AKT3: variants seen among roughly 807,000 people sequenced by gnomAD.
AKT3 encodes the protein AKT serine/threonine kinase 3.
In AKT3, 15 loss-of-function variants were observed where a neutral mutation model predicts 65.3. That is an observed-to-expected ratio of 0.23 (90% CI 0.15 to 0.35). The LOEUF (loss-of-function observed/expected upper bound fraction) is 0.35, where lower values mean the gene tolerates loss of function less well. AKT3 is among the 10% of genes least tolerant of loss of function. The pLI is 1.00. For missense variants in AKT3, 243 were observed against 576.5 expected, an observed-to-expected ratio of 0.42 and a Z score of 5.92; for synonymous variants, 206 against 183.8, an observed-to-expected ratio of 1.12 and a Z score of -0.98.
chr1:243,580,958 T>C (rs1283433067), intron 8 of AKT3, among the ~76,000 whole-genome samples: 1 of 152,162 alleles, frequency 6.6e-6, no homozygotes, highest in Non-Finnish European at 1.5e-5. Context: ...CTTCTGGAGT[T>C]TGAGTCACCC....
In AKT3 at chr1:243,822,442, GGAGA is replaced by G. The variant is rs564389876; in HGVS notation, c.46+20679_46+20682del. On this transcript the variant is annotated intron_variant, in intron 2 of 13. Transcript: ENST00000673466. ...TAACCAAGATCAGAGCAGAGCTGAA[GGAGA>G]GAGAGACACTAAAAACCCTTCAAAA... is the stretch of plus-strand genomic sequence containing the variant. 3.5e-4 allele frequency among the ~76,000 whole-genome samples: 52 copies of G among 149,564 alleles called. No individual in the cohort carries two copies. The South Asian group carries it at 0.01, about 29-fold the overall frequency.
Position 243,699,105 on chromosome 1 carries a change from C to T in AKT3, c.47-3389G>A, listed in dbSNP as rs1000309398. On this transcript the variant is annotated intron_variant, in intron 2 of 13. Transcript: ENST00000673466. ...ACAGAAAGTCCTAGCTTTTATGAGG[C>T]TAAGTACCCAGAACAAAGTACACTC... Among the ~76,000 whole-genome samples the T allele has an allele frequency of 2.0e-5, 3 of 151,974 alleles. No homozygotes were observed. In the South Asian group the frequency reaches 6.2e-4, roughly 32 times the overall value.
intron 12 of AKT3, among the ~76,000 whole-genome samples, chr1:243,543,851 T>C (rs898795189): frequency 2.6e-5 from 4 of 152,214 alleles, no homozygotes; most frequent in African/African-American, 9.6e-5. Context: ...AGGTGTCTAA[T>C]ATGATGCACC....
chr1:243,817,385 A>G (rs942432914), intron 2 of AKT3, among the ~76,000 whole-genome samples: 2 of 152,238 alleles, frequency 1.3e-5, no homozygotes, highest in Admixed American at 6.5e-5. Flanking sequence ...ATATATGAAT[A>G]ATATCTGTAG....
intron 2 of AKT3, among the ~76,000 whole-genome samples, chr1:243,725,355 T>C (rs1461652690): frequency 1.3e-5 from 2 of 152,200 alleles, no homozygotes; most frequent in South Asian, 2.1e-4. Context: ...ACTTGAAGGG[T>C]TGATGAGTAG....
chr1:243,591,511 A>G (rs1433067948), intron 8 of AKT3, among the ~76,000 whole-genome samples: 3 of 152,210 alleles, frequency 2.0e-5, no homozygotes, highest in Admixed American at 6.5e-5. Context: ...CTGGCATCCA[A>G]TAAAAAATTA....
chr1:243,723,311 GAAGA>G (rs1398513696), intron 2 of AKT3, among the ~76,000 whole-genome samples: 1 of 152,002 alleles, frequency 6.6e-6, no homozygotes, highest in African/African-American at 2.4e-5. Context: ...TTCAGAAAAA[GAAGA>G]AAGAAAGAGC....
chr1:243,513,556 A>G lies in AKT3; in HGVS notation c.1252-1130T>C, dbSNP rs561041413. On this transcript the variant is annotated intron_variant, in intron 12 of 13. Transcript: ENST00000673466. ...TTTAAATTATTCTCTAGACAGAACT[A>G]TATTTTTAAGAATCGTGGGATGAGC... Among the ~76,000 whole-genome samples, 35 of 152,366 alleles carry G rather than the reference A, an allele frequency of 2.3e-4. No homozygotes were observed. In the South Asian group the frequency reaches 7.2e-3, roughly 32 times the overall value.
rs139367859 is a variant in AKT3 at position 243,688,356 on chromosome 1, T to A, written c.172+7235A>T. Among the ~76,000 whole-genome samples the A allele has an allele frequency of 4.9e-3, 750 of 152,222 alleles. 5 individuals carry two copies. The highest frequency in any genetic ancestry group is 0.017 in the African/African-American group (707 of 41,544). ...GAAAAGATATAGGCTATAAACACAG[T>A]TATTATTTGGGCAAGTGTTTAATTG... On this transcript the variant is annotated intron_variant, in intron 3 of 13. Transcript: ENST00000673466.
At chr1:243,616,358 A>T (rs1678316239) in intron 6 of AKT3, among the ~76,000 whole-genome samples, 1 of 143,218 alleles carries the variant, frequency 7.0e-6, no homozygotes, top group African/African-American at 2.5e-5. Context: ...ACTGTAGGTG[A>T]TCATTTTAAA....
chr1:243,623,453 T>C (rs1678917362), intron 6 of AKT3, among the ~76,000 whole-genome samples: 1 of 152,162 alleles, frequency 6.6e-6, no homozygotes, highest in African/African-American at 2.4e-5. Context: ...GGAATGTGAA[T>C]TGATGGACTG....
chr1:243,715,676 A>T (rs1361900191), intron 2 of AKT3, among the ~76,000 whole-genome samples: 1 of 152,126 alleles, frequency 6.6e-6, no homozygotes, highest in Non-Finnish European at 1.5e-5. Context: ...TTCTTGTTAA[A>T]TAAACGAGGG....
At chr1:243,528,571 G>A (rs546058015) in intron 12 of AKT3, among the ~76,000 whole-genome samples, 2 of 152,262 alleles carry the variant, frequency 1.3e-5, no homozygotes, top group Admixed American at 1.3e-4. Context: ...GAGAATATGC[G>A]GGATTTTGTT....
chr1:243,805,088 C>T lies in AKT3; in HGVS notation c.46+38037G>A, dbSNP rs577562593. 1.5e-4 allele frequency among the ~76,000 whole-genome samples: 23 copies of T among 152,228 alleles called. 1 individual carries two copies. In the South Asian group the frequency reaches 4.3e-3, roughly 29 times the overall value. ...GCAGAGATTTCTTCATTCACACTCCCGGGATACATAAATAGAAGAGGAAGT... is the reference window on the plus strand; with the variant it reads ...GCAGAGATTTCTTCATTCACACTCCTGGGATACATAAATAGAAGAGGAAGT... On this transcript the variant is annotated intron_variant, in intron 2 of 13. Coordinates refer to ENST00000673466, the MANE Select transcript of AKT3 (RefSeq NM_005465.7).
intron 2 of AKT3, among the ~76,000 whole-genome samples, chr1:243,823,788 C>T (rs771918816): frequency 4.6e-5 from 7 of 152,284 alleles, no homozygotes; most frequent in Admixed American, 6.5e-5. Flanking sequence ...ACATCCCATG[C>T]TCATGGATAA....
chr1:243,693,248 A>T (rs1188582154), intron 3 of AKT3, among the ~76,000 whole-genome samples: 2 of 31,442 alleles, frequency 6.4e-5, no homozygotes, highest in Non-Finnish European at 6.0e-5. Flanking sequence ...AATTTGATAT[A>T]TATATATATA....
At chr1:243,700,892 TCAAA>T in intron 2 of AKT3, among the ~76,000 whole-genome samples, 1 of 152,198 alleles carries the variant, frequency 6.6e-6, no homozygotes, top group East Asian at 1.9e-4. Context: ...GATAGGATAT[TCAAA>T]TAAATCATCT....
At chr1:243,609,251 C>A (rs1677679299) in intron 8 of AKT3, among the ~76,000 whole-genome samples, 1 of 147,864 alleles carries the variant, frequency 6.8e-6, no homozygotes, top group Non-Finnish European at 1.5e-5. Context: ...ATCTGATAAT[C>A]TAAAAAAAAA....
chr1:243,639,613 T>C (rs562606084), intron 5 of AKT3, among the ~76,000 whole-genome samples: 14 of 152,236 alleles, frequency 9.2e-5, no homozygotes, highest in African/African-American at 3.4e-4. Flanking sequence ...AGTTTACAAA[T>C]GCCATGACAT....
Sources: gnomAD v4.1 joint callset for allele counts (sites outside exome capture counted in the v4.1 genomes callset) on GRCh38, gnomAD v4.1.1 for gene constraint, MANE v1.5 for transcripts, NCBI Gene and HGNC (gene_info 2026-07-23, HGNC 2026-07-21) for gene names.